Variants in NMT2 observed in about 807,000 individuals in gnomAD.
NMT2 encodes glycylpeptide N-tetradecanoyltransferase 2.
A neutral mutation model predicts 65.4 loss-of-function variants in NMT2; 35 were observed. The ratio of observed to expected loss-of-function variants is 0.54; its 90% CI spans 0.41 to 0.71. NMT2 has a LOEUF of 0.71. NMT2 is among the 30% of genes least tolerant of loss of function. The probability of loss-of-function intolerance (pLI) is 0.00; values close to 1 mark genes in which losing one functional copy is unlikely to be tolerated. For missense variants in NMT2, 489 were observed against 611.3 expected, an observed-to-expected ratio of 0.80 and a Z score of 2.11; for synonymous variants, 226 against 231.8, an observed-to-expected ratio of 0.98 and a Z score of 0.23.
Position 15,105,948 on chromosome 10 carries a change from C to CA in NMT2, c.*3246dup. On this transcript the variant is annotated 3_prime_UTR_variant, in exon 12 of 12. Transcript: ENST00000378165. ...CTCTTTAAAGGAGCAGTGTAACTGT[C>CA]ACCGTGAGGTAAGCTCATGACAAAG... is the stretch of plus-strand genomic sequence containing the variant. The CA allele has an allele frequency of 2.8e-6, 1 of 360,078 alleles. No individual in the cohort carries two copies. Among genetic ancestry groups the CA allele is most frequent in the South Asian group, 2.0e-5 (1 of 49,222 alleles). The allele number at this position is 360,078 out of a possible 1,614,324, so 22.3% of individuals were successfully genotyped here. A position where few individuals can be genotyped will look rare whatever the true frequency, so the allele number is the denominator to read the frequency against.
intron 8 of NMT2, among the ~76,000 whole-genome samples, chr10:15,127,568 AAATAAAT>A (rs1846129723): frequency 2.7e-5 from 2 of 74,756 alleles, no homozygotes; most frequent in East Asian, 3.7e-4. Flanking sequence ...AAAAAAAAAA[AAATAAAT>A]AAATAAATAA....
intron 1 of NMT2, 173 bp downstream of exon 1, chr10:15,168,330 C>G (rs759443441): frequency 3.9e-4 from 165 of 427,918 alleles, no homozygotes; most frequent in Admixed American, 1.2e-4. Flanking sequence ...GCACTGCACT[C>G]TCCCGCGAGC....
intron 11 of NMT2, among the ~76,000 whole-genome samples, 189 bp from the exon 12 acceptor site, chr10:15,109,404 A>T (rs199666467): frequency 6.6e-6 from 1 of 152,076 alleles, no homozygotes; most frequent in African/African-American, 2.4e-5. Flanking sequence ...GTCAAACCCC[A>T]TCTCTACTAA....
At chr10:15,140,076 C>T (rs1395069824) in intron 2 of NMT2, among the ~76,000 whole-genome samples, 1 of 151,620 alleles carries the variant, frequency 6.6e-6, no homozygotes, top group East Asian at 1.9e-4. Context: ...AGCTCAAGGT[C>T]TCAGACATCA....
chr10:15,163,783 T>A (rs1039270454), intron 1 of NMT2, among the ~76,000 whole-genome samples: 2 of 152,118 alleles, frequency 1.3e-5, no homozygotes, highest in Non-Finnish European at 2.9e-5. Context: ...CCCCCTAAAT[T>A]GGGGATGGTA....
At chr10:15,134,423 C>T (rs746664196) in intron 3 of NMT2, among the ~76,000 whole-genome samples, 1 of 152,176 alleles carries the variant, frequency 6.6e-6, no homozygotes, top group Admixed American at 6.5e-5. Flanking sequence ...CCTCAAGGGA[C>T]GGGCCCCTTG....
At chr10:15,151,687 A>T (rs1209081430) in intron 1 of NMT2, among the ~76,000 whole-genome samples, 1 of 152,212 alleles carries the variant, frequency 6.6e-6, no homozygotes, top group African/African-American at 2.4e-5. Context: ...GCCTCGAGGG[A>T]GCTGGTGGCT....
chr10:15,157,585 G>T (rs1201837006), intron 1 of NMT2, among the ~76,000 whole-genome samples: 2 of 152,010 alleles, frequency 1.3e-5, no homozygotes, highest in African/African-American at 2.4e-5. Flanking sequence ...AAGGCAGTCA[G>T]AAAAGAGATG....
intron 1 of NMT2, among the ~76,000 whole-genome samples, chr10:15,162,586 G>A (rs918246516): frequency 1.3e-5 from 2 of 151,866 alleles, no homozygotes; most frequent in Non-Finnish European, 2.9e-5. Flanking sequence ...AAGAGTCAGC[G>A]AAACATACAT....
At chr10:15,144,102 G>T (rs769256893) in intron 1 of NMT2, among the ~76,000 whole-genome samples, 5 of 152,060 alleles carry the variant, frequency 3.3e-5, no homozygotes, top group Non-Finnish European at 4.4e-5. Flanking sequence ...CTTCCAAACG[G>T]TGTTGCTAAA....
chr10:15,109,918 T>C, intron 10 of NMT2, 79 bp from the exon 11 acceptor site: 1 of 1,147,702 alleles, frequency 8.7e-7, no homozygotes, highest in Non-Finnish European at 1.2e-6. Context: ...TTAACAATTC[T>C]ACTAATAGCT....
intron 8 of NMT2, among the ~76,000 whole-genome samples, chr10:15,120,453 G>A (rs534929088): frequency 3.9e-5 from 6 of 152,156 alleles, no homozygotes; most frequent in African/African-American, 1.4e-4. Context: ...GAGGGACTTC[G>A]TCTCAAAAAT....
At chr10:15,168,285 A>G in intron 1 of NMT2, 2 of 221,272 alleles carry the variant, frequency 9.0e-6, no homozygotes, top group Non-Finnish European at 1.7e-5. Context: ...CCCGGGCCCC[A>G]GCCTCCCCGC....
Position 15,133,127 on chromosome 10 carries a change from C to T in NMT2, c.528G>A (p.Thr176=), listed in dbSNP as rs200812835. The change falls in exon 5 of 12, where the codon ACG becomes ACA. Residue 176 remains threonine, a synonymous_variant. Coordinates refer to ENST00000378165, the MANE Select transcript of NMT2 (RefSeq NM_004808.3). ...SDAEVLKELY[T]LLNENYVEDD... ...CTTCTACGTAATTCTCATTTAACAA[C>T]GTGTATAACTCCTTGAGCTATAAGA... The T allele has an allele frequency of 2.3e-5, 37 of 1,613,436 alleles. No individual in the cohort carries two copies. The highest frequency in any genetic ancestry group is 1.0e-4 in the Admixed American group (6 of 60,004).
intron 8 of NMT2, among the ~76,000 whole-genome samples, chr10:15,127,241 T>TA (rs1035565799): frequency 4.7e-5 from 6 of 127,346 alleles, no homozygotes; most frequent in Non-Finnish European, 8.5e-5. Flanking sequence ...TCTCAAAAAA[T>TA]AAAAAAATAA....
In NMT2 at chr10:15,106,042, T is replaced by G. The variant is rs1039820463; in HGVS notation, c.*3153A>C. On this transcript the variant is annotated 3_prime_UTR_variant, in exon 12 of 12. Coordinates refer to ENST00000378165, the MANE Select transcript of NMT2 (RefSeq NM_004808.3). ...TAGAGTCTCACTCTGTTGCCCAGGC[T>G]GGAGTGCAGTGGTGTGATCCCGGCT... The G allele has an allele frequency of 2.5e-6, 1 of 401,974 alleles. No individual in the cohort carries two copies. The highest frequency in any genetic ancestry group is 2.2e-5 in the African/African-American group (1 of 46,068). The allele number at this position is 401,974 out of a possible 1,614,324, so 24.9% of individuals were successfully genotyped here.
chr10:15,168,494 C>A lies in NMT2; in HGVS notation c.110+9G>T, dbSNP rs368022214. 18 of 1,575,048 alleles carry A rather than the reference C, an allele frequency of 1.1e-5. No homozygotes were observed. In the African/African-American group the frequency reaches 1.5e-4, roughly 14 times the overall value. On this transcript the variant is annotated intron_variant, in intron 1 of 11. Transcript: ENST00000378165. ...TGTCGCGCCCGGTGCGCCAGCGCGC[C>A]GCCCCTACCCTTTGGCGTGCTCCGT...
In NMT2 at chr10:15,133,313, G is replaced by A. The variant is rs540952796; in HGVS notation, c.442C>T (p.Arg148Cys). 1.1e-5 allele frequency: 18 copies of A among 1,614,108 alleles called. No homozygotes were observed. Among genetic ancestry groups the A allele is most frequent in the East Asian group, 6.7e-5 (3 of 44,882 alleles). Residue 148 changes from arginine to cysteine, a missense_variant, in exon 4 of 12, where the codon CGC (arginine) becomes TGC (cysteine). Arg to Cys is a radical substitution (Grantham distance 180). Coordinates refer to ENST00000378165, the MANE Select transcript of NMT2 (RefSeq NM_004808.3). ...GAIEPDKDNV[R>C]QEPYSLPQGF... is the part of the protein sequence containing the mutation. ...TGTGGCAAAGAATACGGTTCTTGGC[G>A]TACGTTGTCTTTATCTGGTTCAATT...
chr10:15,165,687 G>C (rs1240048164), intron 1 of NMT2, among the ~76,000 whole-genome samples: 1 of 152,058 alleles, frequency 6.6e-6, no homozygotes, highest in Non-Finnish European at 1.5e-5. Context: ...AGACCAGCCT[G>C]GCAAACATGG....
Sources: gnomAD v4.1 joint callset for allele counts (sites outside exome capture counted in the v4.1 genomes callset) on GRCh38, gnomAD v4.1.1 for gene constraint, MANE v1.5 for transcripts, NCBI Gene and HGNC (gene_info 2026-07-23, HGNC 2026-07-21) for gene names.